ADGRD2: variants seen among roughly 807,000 people sequenced by gnomAD.
The protein encoded by ADGRD2 is G protein-coupled receptor PGR24.
A neutral mutation model predicts 44.4 loss-of-function variants in ADGRD2; 71 were observed. That is an observed-to-expected ratio of 1.60 (90% CI 1.32 to 1.95). The LOEUF is 1.95. ADGRD2 is among the 30% of genes most tolerant of loss of function. ADGRD2 has a pLI of 0.00. For missense variants in ADGRD2, 1,039 were observed against 512.4 expected (o/e 2.03, Z -9.92); for synonymous variants, 481 against 224.8 (o/e 2.14, Z -10.19).
chr9:124,455,210 A>T, intron 6 of ADGRD2, 83 bp downstream of exon 9: 1 of 602,376 alleles, frequency 1.7e-6, no homozygotes, highest in South Asian at 2.0e-5. Context: ...GCTGTGGGGG[A>T]GTCAGCATCT....
exon 3 of ADGRD2, chr9:124,453,289 T>C (rs906705621): frequency 6.1e-5 from 30 of 489,864 alleles, no homozygotes; most frequent in Admixed American, 3.5e-4. Context: ...GCACGCGCCC[T>C]TCCTCGCAGC....
Position 124,476,717 on chromosome 9 carries a change from C to A in ADGRD2, c.*18+8C>A. The stretch of plus-strand genomic sequence containing the variant: ...CAGCGTTCAAAGCTTCAGGTACAGT[C>A]CCCACCTCACGGGGTCCCCTCTTTT... On this transcript the variant is annotated splice_region_variant and intron_variant, in intron 21 of 21. Coordinates refer to ENST00000334810, the Ensembl canonical transcript of ADGRD2. The A allele has an allele frequency of 2.9e-6, 2 of 701,094 alleles. No individual in the cohort carries two copies. The highest frequency in any genetic ancestry group is 2.6e-6 in the Non-Finnish European group (1 of 383,796). 43.4% of individuals were successfully genotyped at this position (701,094 alleles called of 1,614,324 possible).
At chr9:124,468,740 T>C (rs999016345) in intron 14 of ADGRD2, 68 bp downstream of exon 17, 3 of 658,104 alleles carry the variant, frequency 4.6e-6, no homozygotes, top group Non-Finnish European at 8.3e-6. Context: ...CCCTGCCATC[T>C]AACATGGCCC....
At chr9:124,467,943 C>T in intron 12 of ADGRD2, 119 bp downstream of exon 15, 3 of 699,746 alleles carry the variant, frequency 4.3e-6, no homozygotes, top group Non-Finnish European at 8.0e-6. Context: ...GTCTGAGCCT[C>T]TCCTTAGGAT....
intron 10 of ADGRD2, among the ~76,000 whole-genome samples, chr9:124,458,967 G>C (rs549168810): frequency 9.9e-5 from 15 of 152,198 alleles, no homozygotes; most frequent in Non-Finnish European, 2.1e-4. Context: ...TTCATCCAAA[G>C]CTTGGGAGGG....
chr9:124,472,169 G>A (rs111454662), intron 17 of ADGRD2, among the ~76,000 whole-genome samples: 1,783 of 146,586 alleles, frequency 0.012, 26 homozygotes, highest in African/African-American at 0.046. Flanking sequence ...CAATGCCACC[G>A]TCAGCCATGG....
rs181036868 is a variant in ADGRD2 at position 124,454,114 on chromosome 9, C to T, written c.1022+17C>T. 16 of 670,682 alleles carry T rather than the reference C, an allele frequency of 2.4e-5. No homozygotes were observed. In the East Asian group the frequency reaches 4.1e-4, roughly 17 times the overall value. 41.5% of individuals were successfully genotyped at this position (670,682 alleles called of 1,614,324 possible). On this transcript the variant is annotated intron_variant, in intron 4 of 21. Coordinates refer to ENST00000334810, the Ensembl canonical transcript of ADGRD2. This position sits in a 1 kb window ranked among gnomAD's most constrained non-coding sequence, Gnocchi z 4.5. ...ACCGGACAGGTGCGCCCTGGCTGTACCCCTGGGCTCTGCTGAAGGGAAAGC... is the reference window on the plus strand; with the variant it reads ...ACCGGACAGGTGCGCCCTGGCTGTATCCCTGGGCTCTGCTGAAGGGAAAGC...
chr9:124,452,486 C>T (rs542950214), intron 1 of ADGRD2, 24 bp from the exon 5 acceptor site: 68 of 718,396 alleles, frequency 9.5e-5, no homozygotes, highest in Non-Finnish European at 1.7e-4. Flanking sequence ...ATGCACCCCC[C>T]ACCGTCTCTC....
chr9:124,468,324 G>A, intron 13 of ADGRD2, 134 bp downstream of exon 16: 1 of 680,228 alleles, frequency 1.5e-6, no homozygotes. Flanking sequence ...GGCCCGGGGA[G>A]GAGCAGGGCC....
At chr9:124,476,951 G>A in intron 21 of ADGRD2, 1 of 697,822 alleles carries the variant, frequency 1.4e-6, no homozygotes. Flanking sequence ...AGCGGGCGCT[G>A]CCAAGAGCAC....
chr9:124,460,393 T>TA, intron 10 of ADGRD2, among the ~76,000 whole-genome samples: 3 of 150,668 alleles, frequency 2.0e-5, no homozygotes, highest in Non-Finnish European at 4.4e-5. Context: ...TATATATTTT[T>TA]TTTTAGTAGA....
At position 124,457,434 on chromosome 9, in the gene ADGRD2, A is replaced by C. The variant is rs1030537567; in HGVS notation, c.1506-38A>C. ...TGGGCCTGCTCAGCAGAAAGACCTC[A>C]CTCCGAGGTCCAGCCACCCAGCCCC... On this transcript the variant is annotated intron_variant, in intron 7 of 21. Transcript: ENST00000334810. 5 of 547,988 alleles carry C rather than the reference A, an allele frequency of 9.1e-6. No individual in the cohort carries two copies. In the African/African-American group the frequency reaches 9.4e-5, roughly 10 times the overall value. The allele number at this position is 547,988 out of a possible 1,614,324, so 33.9% of individuals were successfully genotyped here.
chr9:124,459,822 A>AG lies in ADGRD2; in HGVS notation c.1870+1101_1870+1102insG, dbSNP rs201043389. 3.3e-5 allele frequency among the ~76,000 whole-genome samples: 5 copies of AG among 151,764 alleles called. No homozygotes were observed. In the East Asian group the frequency reaches 9.7e-4, roughly 29 times the overall value. On this transcript the variant is annotated intron_variant, in intron 10 of 21. Coordinates refer to ENST00000334810, the Ensembl canonical transcript of ADGRD2. ...TGCAAATACCATGCCATTTTATATA[A>AG]AAAACTTGAGCCTCAGCAGGTTTTG...
intron 3 of ADGRD2, 97 bp downstream of exon 6, chr9:124,453,773 A>G (rs1446891820): frequency 1.6e-6 from 1 of 622,826 alleles, no homozygotes; most frequent in African/African-American, 2.0e-5. Flanking sequence ...AGCCACGCCT[A>G]GCTCTGGCCA....
chr9:124,472,057 C>T (rs1191362465), intron 17 of ADGRD2, among the ~76,000 whole-genome samples: 2 of 152,224 alleles, frequency 1.3e-5, no homozygotes, highest in East Asian at 3.8e-4. Flanking sequence ...TGCCCCTCTC[C>T]ACATCATAGG....
At chr9:124,460,515 G>T (rs1485959280) in intron 10 of ADGRD2, among the ~76,000 whole-genome samples, 5 of 150,654 alleles carry the variant, frequency 3.3e-5, no homozygotes, top group Admixed American at 6.7e-5. Context: ...ACCACACCTG[G>T]CCCTGTGTCT....
chr9:124,464,923 G>A (rs1358750851), intron 10 of ADGRD2, among the ~76,000 whole-genome samples: 1 of 152,158 alleles, frequency 6.6e-6, no homozygotes, highest in Non-Finnish European at 1.5e-5. Flanking sequence ...GTATCACGGA[G>A]ATCTTTCACA....
chr9:124,468,348 G>T (rs887084492), intron 13 of ADGRD2, among the ~76,000 whole-genome samples, 158 bp downstream of exon 16: 1 of 152,206 alleles, frequency 6.6e-6, no homozygotes, highest in Non-Finnish European at 1.5e-5. Flanking sequence ...GGAGGAAAGG[G>T]CCCTGGGAGG....
intron 10 of ADGRD2, among the ~76,000 whole-genome samples, chr9:124,463,347 G>C (rs977041890): frequency 2.6e-5 from 4 of 152,098 alleles, no homozygotes; most frequent in African/African-American, 9.7e-5. Flanking sequence ...TTTGTTTATG[G>C]TGTATTATCT....
Sources: gnomAD v4.1 joint callset for allele counts (sites outside exome capture counted in the v4.1 genomes callset) on GRCh38, gnomAD v4.1.1 for gene constraint, Gnocchi (gnomAD v3.1) non-coding constraint, MANE v1.5 for transcripts, NCBI Gene and HGNC (gene_info 2026-07-23, HGNC 2026-07-21) for gene names.